Variants in FHIT observed in about 807,000 individuals in gnomAD.
FHIT encodes the protein bis(5'-adenosyl)-triphosphatase.
FHIT carries 19 observed loss-of-function variants against 17.9 expected under a neutral mutation model. The observed-to-expected ratio is 1.06, with a 90% CI of 0.74 to 1.56. FHIT has a LOEUF of 1.56. Ranked by LOEUF, FHIT falls within the 40% of genes most tolerant of loss-of-function variation. FHIT has a pLI of 0.00. For missense variants in FHIT, 248 were observed against 189.2 expected (o/e 1.31, Z -1.82); for synonymous variants, 81 against 69.7 (o/e 1.16, Z -0.81).
rs5849306 is a variant in FHIT at position 59,874,678 on chromosome 3, A to ATT, written c.348+47666_348+47667dup. On this transcript the variant is annotated intron_variant, in intron 8 of 9. Transcript: ENST00000492590. ...TGCTTGCTTAGGTTTTGTGTTTTTC[A>ATT]TTTTTTTTTTTTGCCAGTTAGTCAG... Among the ~76,000 whole-genome samples, 222 of 148,244 alleles carry ATT rather than the reference A, an allele frequency of 1.5e-3. 1 individual carries two copies. The East Asian group carries it at 0.018, about 12-fold the overall frequency.
intron 5 of FHIT, among the ~76,000 whole-genome samples, chr3:60,436,446 T>C (rs1459245175): frequency 1.3e-5 from 2 of 152,114 alleles, no homozygotes; most frequent in African/African-American, 4.8e-5. Context: ...AGTGTGCCCA[T>C]CATGCCAGCC....
intron 4 of FHIT, chr3:60,618,113 A>G (rs1309869853): frequency 1.9e-5 from 3 of 156,990 alleles, no homozygotes; most frequent in African/African-American, 7.2e-5. Flanking sequence ...AGCCAGTCAT[A>G]TAATGTAGTG....
intron 5 of FHIT, among the ~76,000 whole-genome samples, chr3:60,531,341 C>T (rs183830050): frequency 1.5e-5 from 2 of 137,270 alleles, no homozygotes; most frequent in Non-Finnish European, 1.5e-5. Flanking sequence ...TGCAGTGGTG[C>T]GATCTAGGCT....
chr3:61,059,372 C>CTTTTTT (rs201797361), intron 2 of FHIT, among the ~76,000 whole-genome samples: 10 of 113,282 alleles, frequency 8.8e-5, no homozygotes, highest in Non-Finnish European at 1.3e-4. Flanking sequence ...TTGCTTTTTC[C>CTTTTTT]TTTTTTTTTT....
intron 5 of FHIT, among the ~76,000 whole-genome samples, chr3:60,181,259 C>T (rs1210048168): frequency 6.6e-6 from 1 of 151,664 alleles, no homozygotes; most frequent in African/African-American, 2.4e-5. Flanking sequence ...GATTCTCCCA[C>T]CTCAGCCTCC....
chr3:60,112,235 T>C (rs1353292441), intron 5 of FHIT, among the ~76,000 whole-genome samples: 3 of 152,206 alleles, frequency 2.0e-5, no homozygotes, highest in Admixed American at 1.3e-4. Context: ...AGGTAGAGCC[T>C]TCAGTAAGGA....
intron 5 of FHIT, among the ~76,000 whole-genome samples, chr3:60,302,311 C>T (rs1458940471): frequency 6.6e-6 from 1 of 152,038 alleles, no homozygotes; most frequent in Non-Finnish European, 1.5e-5. Context: ...TTCTCCCTTT[C>T]TCTCCTCCTG....
intron 4 of FHIT, among the ~76,000 whole-genome samples, chr3:60,599,466 T>C (rs2038372976): frequency 2.6e-5 from 4 of 152,176 alleles, no homozygotes; most frequent in Admixed American, 2.6e-4. Context: ...CTAAAATTTT[T>C]ATTTGTTACC....
chr3:60,327,939 C>A (rs560823749), intron 5 of FHIT, among the ~76,000 whole-genome samples: 7 of 152,154 alleles, frequency 4.6e-5, no homozygotes, highest in Admixed American at 1.3e-4. Flanking sequence ...GTCATGGCAT[C>A]CCTCAAAGGG....
intron 4 of FHIT, among the ~76,000 whole-genome samples, chr3:60,639,457 G>A (rs1553684796): frequency 6.6e-6 from 1 of 152,098 alleles, no homozygotes; most frequent in Non-Finnish European, 1.5e-5. Context: ...GGGTTGGGGA[G>A]ACAAAATTGC....
chr3:60,313,350 A>G (rs913734602), intron 5 of FHIT, among the ~76,000 whole-genome samples: 1 of 152,176 alleles, frequency 6.6e-6, no homozygotes, highest in African/African-American at 2.4e-5. Flanking sequence ...AGGTCAAGCA[A>G]CCGCATTTAT....
chr3:60,723,245 C>T (rs2041847786), intron 4 of FHIT, among the ~76,000 whole-genome samples: 1 of 152,150 alleles, frequency 6.6e-6, no homozygotes, highest in South Asian at 2.1e-4. Flanking sequence ...GTCTTCTATT[C>T]ATTGTGCAGA....
chr3:60,705,007 G>C (rs554842245), intron 4 of FHIT, among the ~76,000 whole-genome samples: 24 of 150,376 alleles, frequency 1.6e-4, no homozygotes, highest in Non-Finnish European at 3.2e-4. Context: ...CCAACCCATA[G>C]GTGTTTCTTT....
chr3:60,100,897 C>T (rs988612257), intron 5 of FHIT, among the ~76,000 whole-genome samples: 3 of 152,058 alleles, frequency 2.0e-5, no homozygotes, highest in Non-Finnish European at 2.9e-5. Context: ...AACCACTTGA[C>T]CTTTGGACAA....
intron 3 of FHIT, among the ~76,000 whole-genome samples, chr3:60,924,853 G>A (rs1707496223): frequency 1.3e-5 from 2 of 151,926 alleles, no homozygotes; most frequent in South Asian, 4.2e-4. Flanking sequence ...CCAATGCAGA[G>A]AAGTCCTTAA....
chr3:60,513,330 A>G (rs1279234952), intron 5 of FHIT, among the ~76,000 whole-genome samples: 1 of 152,166 alleles, frequency 6.6e-6, no homozygotes, highest in Non-Finnish European at 1.5e-5. Flanking sequence ...TACACAGACC[A>G]CCCATGGAAT....
At chr3:59,952,456 G>A (rs1575755188) in intron 7 of FHIT, among the ~76,000 whole-genome samples, 1 of 152,068 alleles carries the variant, frequency 6.6e-6, no homozygotes, top group Non-Finnish European at 1.5e-5. Context: ...CCATTCCTCA[G>A]TTGTGCCAAT....
At chr3:59,890,087 T>G (rs547879170) in intron 8 of FHIT, among the ~76,000 whole-genome samples, 1 of 152,180 alleles carries the variant, frequency 6.6e-6, no homozygotes, top group Non-Finnish European at 1.5e-5. Context: ...AGCACTGTCA[T>G]AGGATATAGA....
At chr3:59,876,351 G>T (rs73100604) in intron 8 of FHIT, among the ~76,000 whole-genome samples, 1 of 152,168 alleles carries the variant, frequency 6.6e-6, no homozygotes, top group Non-Finnish European at 1.5e-5. Context: ...GATTTTTGGT[G>T]TTTGATAAGC....
Sources: gnomAD v4.1 joint callset for allele counts (sites outside exome capture counted in the v4.1 genomes callset) on GRCh38, gnomAD v4.1.1 for gene constraint, MANE v1.5 for transcripts, NCBI Gene and HGNC (gene_info 2026-07-23, HGNC 2026-07-21) for gene names.